ANO3: variants seen among roughly 807,000 people sequenced by gnomAD.
The protein encoded by ANO3 is anoctamin-3.
Under a neutral mutation model 144.8 loss-of-function variants are expected in ANO3, and 99 were observed. That is an observed-to-expected ratio of 0.68 (90% CI 0.58 to 0.81). The LOEUF is 0.81. ANO3 is among the 30% of genes least tolerant of loss of function. The pLI is 0.00. For synonymous variants in ANO3, 414 were observed against 392.6 expected, an observed-to-expected ratio of 1.05 and a Z score of -0.64; for missense variants, 905 against 1,202.2, an observed-to-expected ratio of 0.75 and a Z score of 3.66.
chr11:26,306,562 G>A (rs540339205), upstream of ANO3, among the ~76,000 whole-genome samples: 3 of 152,246 alleles, frequency 2.0e-5, no homozygotes, highest in East Asian at 5.8e-4. Context: ...TACTTGGGAG[G>A]CTGAGGTGGG....
intron 1 of ANO3, among the ~76,000 whole-genome samples, chr11:26,229,100 A>G (rs895802127): frequency 6.6e-6 from 1 of 151,434 alleles, no homozygotes; most frequent in Non-Finnish European, 1.5e-5. Context: ...TAAAGAGGAC[A>G]TTTTTTTTTC....
At chr11:26,543,874 T>C (rs942789748) in intron 11 of ANO3, among the ~76,000 whole-genome samples, 8 of 152,090 alleles carry the variant, frequency 5.3e-5, no homozygotes, top group African/African-American at 1.7e-4. Context: ...GACCTTTGGA[T>C]TGGTTCCAAG....
At chr11:26,425,133 T>C (rs1465954235) in intron 1 of ANO3, among the ~76,000 whole-genome samples, 1 of 151,800 alleles carries the variant, frequency 6.6e-6, no homozygotes, top group African/African-American at 2.4e-5. Flanking sequence ...AGAGACTGAG[T>C]ACTTTTCTTC....
intron 1 of ANO3, among the ~76,000 whole-genome samples, chr11:26,325,038 A>G (rs1490943374): frequency 6.6e-6 from 1 of 152,168 alleles, no homozygotes; most frequent in East Asian, 1.9e-4. Context: ...CACTAGAGTT[A>G]ACATGCAAAC....
chr11:26,659,229 AG>A (rs2133103827), intron 26 of ANO3, among the ~76,000 whole-genome samples: 1 of 152,230 alleles, frequency 6.6e-6, no homozygotes, highest in Non-Finnish European at 1.5e-5. Context: ...TCACCACTTT[AG>A]GGATATAACA....
chr11:26,498,406 A>T (rs1565062695), intron 4 of ANO3, among the ~76,000 whole-genome samples: 1 of 151,638 alleles, frequency 6.6e-6, no homozygotes, highest in African/African-American at 2.4e-5. Flanking sequence ...CAGACTTGTT[A>T]TAAGTAAGAT....
At chr11:26,546,960 G>A (rs991106276) in intron 11 of ANO3, among the ~76,000 whole-genome samples, 2 of 151,858 alleles carry the variant, frequency 1.3e-5, no homozygotes, top group Non-Finnish European at 2.9e-5. Context: ...TGACATAATG[G>A]TGCACATTGT....
In ANO3 at chr11:26,594,266, G is replaced by T. The variant is rs562705787; in HGVS notation, c.1448-4099G>T. Among the ~76,000 whole-genome samples, 59 of 152,292 alleles carry T rather than the reference G, an allele frequency of 3.9e-4. 1 individual carries two copies. The highest frequency in any genetic ancestry group is 1.4e-3 in the African/African-American group (59 of 41,564). On this transcript the variant is annotated intron_variant, in intron 14 of 26. Transcript: ENST00000256737. ...CCAATGAGGGTCTACACTGGGAACT[G>T]CCTGCTGGCCTGTGGGGAATCATTC...
chr11:26,512,555 A>G (rs1037663338), intron 5 of ANO3, among the ~76,000 whole-genome samples: 2 of 152,206 alleles, frequency 1.3e-5, no homozygotes, highest in Non-Finnish European at 2.9e-5. Context: ...AAAGAGAGAA[A>G]TTAAGTTGAG....
intron 17 of ANO3, among the ~76,000 whole-genome samples, chr11:26,617,819 C>T (rs1345479501): frequency 6.6e-6 from 1 of 152,192 alleles, no homozygotes; most frequent in African/African-American, 2.4e-5. Context: ...CAATGCTCTT[C>T]TGAATTTATG....
chr11:26,510,146 A>AG (rs1210834293), intron 5 of ANO3, among the ~76,000 whole-genome samples: 62 of 147,432 alleles, frequency 4.2e-4, no homozygotes, highest in African/African-American at 1.3e-3. Flanking sequence ...AAAAAAAAAA[A>AG]AAAAAAAGAG....
At position 26,355,006 on chromosome 11, in the gene ANO3, T is replaced by A. The variant is rs1855741410; in HGVS notation, c.46+22685T>A. Among the ~76,000 whole-genome samples, 8 of 71,114 alleles carry A rather than the reference T, an allele frequency of 1.1e-4. No homozygotes were observed. The South Asian group carries it at 6.2e-3, about 55-fold the overall frequency. 46.7% of individuals were successfully genotyped at this position (71,114 alleles called of 152,430 possible). A position where few individuals can be genotyped will look rare whatever the true frequency, so the allele number is the denominator to read the frequency against. On this transcript the variant is annotated intron_variant, in intron 1 of 26. Transcript: ENST00000256737. ...TCTTGTACTCAAGCTCATGAAATTG[T>A]AACTCTTTTTTTTTTTCTCCCTCTG...
Position 26,624,511 on chromosome 11 carries a change from T to C in ANO3, c.1873+13T>C. ...CTCACCAATTTAGGTAAGTCCATTTTTCTTACTTCACTCCTTAGTCAGAAA... is the reference window on the plus strand; with the variant it reads ...CTCACCAATTTAGGTAAGTCCATTTCTCTTACTTCACTCCTTAGTCAGAAA... On this transcript the variant is annotated intron_variant, in intron 18 of 26. Transcript: ENST00000256737. The C allele has an allele frequency of 6.3e-7, 1 of 1,594,892 alleles. No homozygotes were observed. Among genetic ancestry groups the C allele is most frequent in the Middle Eastern group, 1.7e-4 (1 of 5,894 alleles).
intron 1 of ANO3, among the ~76,000 whole-genome samples, chr11:26,270,182 G>A (rs1162785167): frequency 6.6e-6 from 1 of 152,018 alleles, no homozygotes; most frequent in Non-Finnish European, 1.5e-5. Context: ...TCCATGATTA[G>A]GAACCCTGTT....
chr11:26,209,654 T>C (rs914522735), intron 1 of ANO3, among the ~76,000 whole-genome samples: 6 of 152,228 alleles, frequency 3.9e-5, no homozygotes, highest in African/African-American at 1.4e-4. Flanking sequence ...CAACATCTGT[T>C]TATTCCTGAC....
chr11:26,502,993 A>G lies in ANO3; in HGVS notation c.433-5111A>G, dbSNP rs73430259. 3.1e-3 allele frequency among the ~76,000 whole-genome samples: 468 copies of G among 152,280 alleles called. 3 individuals carry two copies. Among genetic ancestry groups the G allele is most frequent in the African/African-American group, 0.01 (422 of 41,566 alleles). Reference sequence around the variant, plus strand: ...TTGCAAATGGGCTAAAATATTTGCAAAGTGTTCCTACTCAACATAAGCCAT... The same window carrying G: ...TTGCAAATGGGCTAAAATATTTGCAGAGTGTTCCTACTCAACATAAGCCAT... On this transcript the variant is annotated intron_variant, in intron 4 of 26. Coordinates refer to ENST00000256737, the MANE Select transcript of ANO3 (RefSeq NM_031418.4).
At chr11:26,287,069 G>A (rs1853824321) in intron 1 of ANO3, among the ~76,000 whole-genome samples, 1 of 152,110 alleles carries the variant, frequency 6.6e-6, no homozygotes. Flanking sequence ...AGTACAATTA[G>A]GTTCATGGAT....
chr11:26,288,333 G>A (rs964442867), intron 1 of ANO3, among the ~76,000 whole-genome samples: 11 of 152,162 alleles, frequency 7.2e-5, no homozygotes, highest in African/African-American at 2.4e-4. Flanking sequence ...TTGACAGACT[G>A]GTTGTTCAGA....
intron 1 of ANO3, among the ~76,000 whole-genome samples, chr11:26,430,120 G>T (rs1366011122): frequency 3.3e-5 from 5 of 151,908 alleles, no homozygotes; most frequent in Admixed American, 2.6e-4. Flanking sequence ...GATTAACCAG[G>T]CATGATGATA....
Sources: gnomAD v4.1 joint callset for allele counts (sites outside exome capture counted in the v4.1 genomes callset) on GRCh38, gnomAD v4.1.1 for gene constraint, MANE v1.5 for transcripts, NCBI Gene and HGNC (gene_info 2026-07-23, HGNC 2026-07-21) for gene names.